The following ARHGEF7 variants were observed in gnomAD, a reference collection of about 807,000 sequenced individuals.
ARHGEF7 encodes PAK-interacting exchange factor beta.
A neutral mutation model predicts 109.8 loss-of-function variants in ARHGEF7; 33 were observed. That is an observed-to-expected ratio of 0.30 (90% CI 0.23 to 0.40). The LOEUF is 0.40. Ranked by LOEUF, ARHGEF7 falls within the 10% of genes least tolerant of loss-of-function variation. ARHGEF7 has a pLI of 1.00. For synonymous variants in ARHGEF7, 458 were observed against 424.6 expected (o/e 1.08, Z -0.97); for missense variants, 938 against 1,098.5 (o/e 0.85, Z 2.07).
rs2091631711 is a variant in ARHGEF7, at chr13:111,266,305, T to TTCGCA, written c.951-1240_951-1236dup. ...AACAGGTGTTTCTCACTCAGAGCTCTTCGCATCCTTGTTTCTGGGCTTCTG... is the reference window on the plus strand; with the variant it reads ...AACAGGTGTTTCTCACTCAGAGCTCTTCGCATCGCATCCTTGTTTCTGGGCTTCTG... On this transcript the variant is annotated intron_variant, in intron 8 of 21. Transcript: ENST00000646102. This position sits in a 1 kb window ranked among gnomAD's most constrained non-coding sequence, Gnocchi z 4.8. 6.6e-6 allele frequency among the ~76,000 whole-genome samples: 1 copy of TTCGCA among 152,164 alleles called. No homozygotes were observed. The highest frequency in any genetic ancestry group is 1.5e-5 in the Non-Finnish European group (1 of 68,030).
At chr13:111,119,823 C>T (rs2067056520) in intron 1 of ARHGEF7, among the ~76,000 whole-genome samples, 1 of 152,136 alleles carries the variant, frequency 6.6e-6, no homozygotes, top group African/African-American at 2.4e-5. Flanking sequence ...CAGAAGTGCT[C>T]ACCTGCTAGA....
intron 8 of ARHGEF7, among the ~76,000 whole-genome samples, chr13:111,265,124 C>CAAAAAAAAAA (rs976877106): frequency 2.9e-5 from 2 of 69,464 alleles, no homozygotes; most frequent in African/African-American, 5.8e-5. Flanking sequence ...AACTCCATCT[C>CAAAAAAAAAA]AAAAAAAAAA....
chr13:111,160,794 C>G (rs570914603), intron 2 of ARHGEF7, among the ~76,000 whole-genome samples: 9 of 152,296 alleles, frequency 5.9e-5, no homozygotes, highest in Admixed American at 2.0e-4. Context: ...GCTCCTCCCC[C>G]TTTGCTCCTC....
intron 1 of ARHGEF7, among the ~76,000 whole-genome samples, chr13:111,132,292 T>C (rs2074795357): frequency 6.6e-6 from 1 of 152,234 alleles, no homozygotes; most frequent in South Asian, 2.1e-4. Flanking sequence ...AGTTGTTTGT[T>C]ACTCTCAAAA....
At chr13:111,214,636 A>T (rs1184595589) in intron 4 of ARHGEF7, among the ~76,000 whole-genome samples, 1 of 152,184 alleles carries the variant, frequency 6.6e-6, no homozygotes, top group East Asian at 1.9e-4. Context: ...CAGTTTCTGG[A>T]TGGGATCTTC....
intron 5 of ARHGEF7, among the ~76,000 whole-genome samples, chr13:111,222,067 AG>A (rs1346148340): frequency 6.6e-6 from 1 of 152,110 alleles, no homozygotes; most frequent in Admixed American, 6.6e-5. Flanking sequence ...CAGCAGCTTA[AG>A]GGTGGGTCTG....
intron 3 of ARHGEF7, among the ~76,000 whole-genome samples, chr13:111,206,790 T>C (rs1313377002): frequency 6.6e-6 from 1 of 150,898 alleles, no homozygotes; most frequent in East Asian, 2.0e-4. Flanking sequence ...TGAAACCCCG[T>C]CTCAACTAAA....
intron 2 of ARHGEF7, among the ~76,000 whole-genome samples, chr13:111,179,176 T>G (rs930704318): frequency 6.6e-6 from 1 of 151,984 alleles, no homozygotes; most frequent in African/African-American, 2.4e-5. Context: ...CCTCCCGGGT[T>G]CAAGCGATTC....
intron 21 of ARHGEF7, 23 bp downstream of exon 21, chr13:111,301,555 A>G: frequency 5.7e-6 from 9 of 1,579,632 alleles, no homozygotes; most frequent in Non-Finnish European, 7.8e-6. Context: ...CCATCTTTAA[A>G]TCTTTTTTTT....
chr13:111,231,195 AAG>A (rs1295215248), intron 5 of ARHGEF7, among the ~76,000 whole-genome samples: 3 of 152,248 alleles, frequency 2.0e-5, no homozygotes, highest in African/African-American at 7.2e-5. Flanking sequence ...GTAGATTTCA[AAG>A]ATGAAAAAGT....
At chr13:111,267,281 A>G (rs929160022) in intron 8 of ARHGEF7, among the ~76,000 whole-genome samples, 1 of 152,190 alleles carries the variant, frequency 6.6e-6, no homozygotes, top group Non-Finnish European at 1.5e-5. Flanking sequence ...CTCACTGCCC[A>G]AAGAACTTGG....
In ARHGEF7 at chr13:111,292,241, CTGACTA is replaced by C. The variant is rs2093312030; in HGVS notation, c.2263_2268del (p.Tyr755_Asp756del). The C allele has an allele frequency of 6.2e-7, 1 of 1,614,118 alleles. No homozygotes were observed. The highest frequency in any genetic ancestry group is 1.3e-5 in the African/African-American group (1 of 74,946). On this transcript the variant is annotated inframe_deletion, in exon 19 of 22. Coordinates refer to ENST00000646102, the MANE Select transcript of ARHGEF7 (RefSeq NM_001354046.2). Reference sequence around the variant, plus strand: ...GAGCCTTCAGACCTCTCGGAAGACTCTGACTATGACAGTATATGGACAGCCCATAGT... The same window carrying C: ...GAGCCTTCAGACCTCTCGGAAGACTCTGACAGTATATGGACAGCCCATAGT...
chr13:111,175,055 T>C (rs2078002917), intron 2 of ARHGEF7, among the ~76,000 whole-genome samples: 1 of 152,230 alleles, frequency 6.6e-6, no homozygotes, highest in Non-Finnish European at 1.5e-5. Flanking sequence ...TTAAATTAGA[T>C]TGTAGCCTTT....
At chr13:111,156,261 A>G (rs987842047) in intron 2 of ARHGEF7, among the ~76,000 whole-genome samples, 1 of 152,230 alleles carries the variant, frequency 6.6e-6, no homozygotes, top group Non-Finnish European at 1.5e-5. Flanking sequence ...TGCTTGGCAC[A>G]TAATAGGCTT....
intron 2 of ARHGEF7, among the ~76,000 whole-genome samples, chr13:111,173,236 TG>T (rs1488381557): frequency 6.6e-6 from 1 of 152,120 alleles, no homozygotes; most frequent in Admixed American, 6.5e-5. Flanking sequence ...TAGCCATGGT[TG>T]GGGTGGAATG....
chr13:111,153,694 T>G, intron 1 of ARHGEF7: 1 of 1,283,824 alleles, frequency 7.8e-7, no homozygotes, highest in Non-Finnish European at 9.8e-7. Context: ...GGGCAGAGAT[T>G]GGTGCAGCCC....
At chr13:111,186,244 T>C (rs1206152517) in intron 2 of ARHGEF7, among the ~76,000 whole-genome samples, 1 of 152,192 alleles carries the variant, frequency 6.6e-6, no homozygotes, top group African/African-American at 2.4e-5. Context: ...CTCCCTGCTC[T>C]GCTCCTCTCA....
chr13:111,187,294 C>G (rs2079366621), intron 2 of ARHGEF7, among the ~76,000 whole-genome samples: 1 of 152,170 alleles, frequency 6.6e-6, no homozygotes, highest in Admixed American at 6.5e-5. Flanking sequence ...GTGGTGGGCT[C>G]TGGGTCCAGC....
chr13:111,188,341 T>C (rs1317402956), intron 2 of ARHGEF7, among the ~76,000 whole-genome samples: 1 of 152,084 alleles, frequency 6.6e-6, no homozygotes, highest in African/African-American at 2.4e-5. Context: ...ACGCAGAAAC[T>C]GAGATAACAG....
Sources: allele counts gnomAD v4.1 joint callset (sites outside exome capture counted in the v4.1 genomes callset), GRCh38; gene constraint gnomAD v4.1.1; non-coding constraint Gnocchi (gnomAD v3.1); transcripts MANE v1.5; gene names NCBI Gene and HGNC (gene_info 2026-07-23, HGNC 2026-07-21).